GDA: variants seen among roughly 807,000 people sequenced by gnomAD.
GDA encodes cytoplasmic PSD-95 interactor.
Under a neutral mutation model 59.6 loss-of-function variants are expected in GDA, and 18 were observed. That is an observed-to-expected ratio of 0.30 (90% CI 0.21 to 0.45). The LOEUF (loss-of-function observed/expected upper bound fraction) is 0.45. GDA is among the 20% of genes least tolerant of loss of function. The pLI is 1.00. For missense variants in GDA, 427 were observed against 552.3 expected (o/e 0.77, Z 2.27); for synonymous variants, 201 against 201.1 (o/e 1.00, Z 0.00).
intron 10 of GDA, among the ~76,000 whole-genome samples, chr9:72,232,716 G>T (rs555607466): frequency 6.6e-6 from 1 of 152,196 alleles, no homozygotes; most frequent in Non-Finnish European, 1.5e-5. Context: ...GGATTGTTTA[G>T]TGATGGTCTA....
At position 72,162,258 on chromosome 9, in the gene GDA, A is replaced by G. The variant is rs571314566; in HGVS notation, c.123+12576A>G. 1.1e-4 allele frequency among the ~76,000 whole-genome samples: 17 copies of G among 152,308 alleles called. No individual in the cohort carries two copies. The East Asian group carries it at 2.1e-3, about 19-fold the overall frequency. The stretch of plus-strand genomic sequence containing the variant: ...AGGTCTTAGGGATAAAATGGTAAGC[A>G]AAAGAGATGCGGTTCCTGCCTTATT... On this transcript the variant is annotated intron_variant, in intron 1 of 13. Coordinates refer to ENST00000358399, the MANE Select transcript of GDA (RefSeq NM_004293.5).
intron 1 of GDA, among the ~76,000 whole-genome samples, chr9:72,139,187 A>G (rs908210683): frequency 3.3e-5 from 5 of 152,184 alleles, no homozygotes; most frequent in Admixed American, 3.3e-4. Flanking sequence ...GTTCGAACCA[A>G]GCATTTTGGT....
At chr9:72,115,470 A>G (rs1825404881) in intron 1 of GDA, among the ~76,000 whole-genome samples, 1 of 152,212 alleles carries the variant, frequency 6.6e-6, no homozygotes, top group African/African-American at 2.4e-5. Context: ...TAGACTTCTC[A>G]ATCCACATGT....
At chr9:72,157,226 A>G (rs1395403925) in intron 1 of GDA, among the ~76,000 whole-genome samples, 1 of 151,770 alleles carries the variant, frequency 6.6e-6, no homozygotes, top group Non-Finnish European at 1.5e-5. Context: ...TTTTTAGTAG[A>G]GATGGGGTTT....
intron 1 of GDA, among the ~76,000 whole-genome samples, chr9:72,139,207 C>CAAA (rs1164464641): frequency 1.3e-5 from 2 of 152,040 alleles, no homozygotes; most frequent in African/African-American, 4.8e-5. Context: ...TGTAGTTGGT[C>CAAA]AAATGCAGCT....
downstream of GDA, among the ~76,000 whole-genome samples, chr9:72,255,604 A>T (rs1282751590): frequency 1.3e-5 from 2 of 152,208 alleles, no homozygotes; most frequent in Non-Finnish European, 2.9e-5. Flanking sequence ...GAACTTTCTT[A>T]GTGGAACTAT....
chr9:72,213,225 G>A (rs573589972), intron 4 of GDA, among the ~76,000 whole-genome samples: 3 of 152,200 alleles, frequency 2.0e-5, no homozygotes, highest in South Asian at 2.1e-4. Flanking sequence ...CCCAGATCAC[G>A]CCACTGCACT....
At chr9:72,115,392 A>G (rs62561324) in intron 1 of GDA, among the ~76,000 whole-genome samples, 23,887 of 152,160 alleles carry the variant, frequency 0.16, 2,473 homozygotes, top group East Asian at 0.51. Context: ...ATTATAGAGT[A>G]TTAACAGAAT....
intron 2 of GDA, among the ~76,000 whole-genome samples, chr9:72,200,198 G>A (rs993750026): frequency 4.6e-5 from 7 of 151,754 alleles, no homozygotes; most frequent in African/African-American, 1.5e-4. Flanking sequence ...GGGTTTCACC[G>A]TGTTAGCCAG....
chr9:72,231,151 A>C lies in GDA; in HGVS notation c.958A>C (p.Lys320Gln), dbSNP rs145667878. 2.6e-4 allele frequency: 413 copies of C among 1,596,606 alleles called. 1 individual carries two copies. The African/African-American group carries it at 4.8e-3, about 19-fold the overall frequency. ...ATTTCTAAATGTGCTAGAAGTCCTG[A>C]AACATGAAGTCAAGATAGGGCTGGG... ...SGFLNVLEVLKHEVKIGLGTD... is the reference protein window; with the variant it reads ...SGFLNVLEVLQHEVKIGLGTD... Residue 320 changes from lysine to glutamine, a missense_variant, in exon 10 of 14, where the codon AAA becomes CAA. Coordinates refer to ENST00000358399, the MANE Select transcript of GDA (RefSeq NM_004293.5).
intron 1 of GDA, 143 bp downstream of exon 1, chr9:72,149,825 T>C: frequency 1.2e-6 from 1 of 846,638 alleles, no homozygotes; most frequent in Non-Finnish European, 1.7e-6. Flanking sequence ...TCTTTGGCTC[T>C]TGGGCAACGC....
chr9:72,165,993 C>T (rs952400936), intron 1 of GDA, among the ~76,000 whole-genome samples: 14 of 152,144 alleles, frequency 9.2e-5, no homozygotes, highest in Non-Finnish European at 1.8e-4. Flanking sequence ...TCTTACCCCT[C>T]CTTCTGTTCT....
rs528725154 is a variant in GDA, at chr9:72,213,744, A to G, written c.473-142A>G. ...CATGAACCTGGGAGGCGGAGCTTGC[A>G]GTGAGCCGAGATTGCGCCACTGCAA... On this transcript the variant is annotated intron_variant, in intron 4 of 13. Coordinates refer to ENST00000358399, the MANE Select transcript of GDA (RefSeq NM_004293.5). 1.9e-4 allele frequency: 92 copies of G among 493,172 alleles called. 1 individual carries two copies. In the South Asian group the frequency reaches 1.9e-3, roughly 10 times the overall value. 30.5% of individuals were successfully genotyped at this position (493,172 alleles called of 1,614,324 possible).
intron 10 of GDA, among the ~76,000 whole-genome samples, chr9:72,240,825 T>C (rs572121565): frequency 6.6e-4 from 101 of 152,278 alleles, no homozygotes; most frequent in Non-Finnish European, 8.5e-4. Flanking sequence ...AGAGCTCTTG[T>C]GGGGATCATG....
chr9:72,188,859 T>C (rs1458545166), intron 1 of GDA, among the ~76,000 whole-genome samples: 1 of 152,094 alleles, frequency 6.6e-6, no homozygotes, highest in African/African-American at 2.4e-5. Context: ...AGGAAAGCCA[T>C]AGGAGTGGGG....
chr9:72,150,582 GATAAA>G (rs768674501), intron 1 of GDA, among the ~76,000 whole-genome samples: 1 of 152,104 alleles, frequency 6.6e-6, no homozygotes, highest in Non-Finnish European at 1.5e-5. Flanking sequence ...ACAAAAAAAT[GATAAA>G]ATAAATATGG....
At position 72,245,289 on chromosome 9, in the gene GDA, G is replaced by T. The variant is rs1169003910; in HGVS notation, c.1266+11G>T. 6.3e-7 allele frequency: 1 copy of T among 1,599,242 alleles called. No individual in the cohort carries two copies. The highest frequency in any genetic ancestry group is 1.3e-5 in the African/African-American group (1 of 74,598). On this transcript the variant is annotated intron_variant, in intron 12 of 13. Transcript: ENST00000358399. The stretch of plus-strand genomic sequence containing the variant: ...GGTGATATTTCTGAGGTAAGTAAAA[G>T]AAAGTTAATCAAAAGGCATTTATTT...
At chr9:72,216,731 A>G (rs1356797812) in intron 5 of GDA, among the ~76,000 whole-genome samples, 1 of 151,418 alleles carries the variant, frequency 6.6e-6, no homozygotes, top group Non-Finnish European at 1.5e-5. Flanking sequence ...GCTGGAGTGC[A>G]GTGGCACATT....
chr9:72,175,299 TGG>T (rs1830421800), intron 1 of GDA, among the ~76,000 whole-genome samples: 1 of 152,166 alleles, frequency 6.6e-6, no homozygotes, highest in African/African-American at 2.4e-5. Context: ...TCCAAAGTGC[TGG>T]GATCACAGGG....
Sources: allele counts gnomAD v4.1 joint callset (sites outside exome capture counted in the v4.1 genomes callset), GRCh38; gene constraint gnomAD v4.1.1; transcripts MANE v1.5; gene names NCBI Gene and HGNC (gene_info 2026-07-23, HGNC 2026-07-21).